Variants in CADPS2 observed in about 807,000 individuals in gnomAD.
CADPS2 encodes calcium dependent secretion activator 2.
A neutral mutation model predicts 172.5 loss-of-function variants in CADPS2; 93 were observed. That is an observed-to-expected ratio of 0.54 (90% CI 0.46 to 0.64). The LOEUF is 0.64. Ranked by LOEUF, CADPS2 falls within the 30% of genes least tolerant of loss-of-function variation. The pLI, the probability that CADPS2 is intolerant of heterozygous loss-of-function variation, is 0.00. For missense variants in CADPS2, 1,420 were observed against 1,565.9 expected (o/e 0.91, Z 1.57); for synonymous variants, 546 against 555.2 (o/e 0.98, Z 0.23).
At chr7:122,431,622 G>A (rs1033918463) in intron 17 of CADPS2, among the ~76,000 whole-genome samples, 1 of 152,122 alleles carries the variant, frequency 6.6e-6, no homozygotes, top group Non-Finnish European at 1.5e-5. Flanking sequence ...TACTAGCTAT[G>A]GGACTGTAGA....
chr7:122,739,188 G>A lies in CADPS2; in HGVS notation c.340-2120C>T, dbSNP rs114506891. The stretch of plus-strand genomic sequence containing the variant: ...CTAAGCTCTGGGAATGCCAAGAAGA[G>A]CTTCTCCTTGCAAGCCAAGTAAAAT... On this transcript the variant is annotated intron_variant, in intron 1 of 29. Transcript: ENST00000449022. Among the ~76,000 whole-genome samples the A allele has an allele frequency of 4.5e-3, 687 of 152,222 alleles. 8 individuals are homozygous for A. The highest frequency in any genetic ancestry group is 0.016 in the African/African-American group (652 of 41,548).
chr7:122,567,683 T>G (rs147220439), intron 7 of CADPS2, among the ~76,000 whole-genome samples: 2,029 of 152,204 alleles, frequency 0.013, 20 homozygotes, highest in Non-Finnish European at 0.019. Flanking sequence ...ATAACTCAAA[T>G]GATGGGAGGG....
rs1382781555 is a variant in CADPS2 at position 122,803,121 on chromosome 7, T to C, written c.340-66053A>G. Among the ~76,000 whole-genome samples the C allele has an allele frequency of 3.3e-5, 5 of 152,194 alleles. No individual in the cohort carries two copies. The South Asian group carries it at 1.0e-3, about 31-fold the overall frequency. On this transcript the variant is annotated intron_variant, in intron 1 of 29. Transcript: ENST00000449022. The stretch of plus-strand genomic sequence containing the variant: ...CTCTTCACTTCCTCCAACTCCCTTA[T>C]TACCTTTGTCACAACATATATAAAC...
rs144923746 is a variant in CADPS2, at chr7:122,345,335, G to A, written c.3612+239C>T. Among the ~76,000 whole-genome samples, 228 of 151,896 alleles carry A rather than the reference G, an allele frequency of 1.5e-3. 1 individual carries two copies. The highest frequency in any genetic ancestry group is 5.1e-3 in the African/African-American group (211 of 41,448). ...GTATTTTTAGTAGAGACGGGGTTTC[G>A]CCATGTTGGCCAGGCTAGTCTTGAA... On this transcript the variant is annotated intron_variant, in intron 28 of 29. Transcript: ENST00000449022.
intron 17 of CADPS2, among the ~76,000 whole-genome samples, chr7:122,417,539 T>C (rs1487842867): frequency 2.0e-5 from 3 of 152,214 alleles, no homozygotes; most frequent in Admixed American, 1.3e-4. Flanking sequence ...AAAAGATCCA[T>C]AGACATGAAT....
At chr7:122,820,174 T>C (rs143139841) in intron 1 of CADPS2, among the ~76,000 whole-genome samples, 30,164 of 151,868 alleles carry the variant, frequency 0.2, 3,137 homozygotes, top group Middle Eastern at 0.3. Flanking sequence ...AGATCTCAAA[T>C]ATGCTTTCTT....
chr7:122,793,097 A>G (rs995774979), intron 1 of CADPS2, among the ~76,000 whole-genome samples: 6 of 152,190 alleles, frequency 3.9e-5, no homozygotes, highest in African/African-American at 1.4e-4. Context: ...AGGACCATTC[A>G]GGTCCTCCTT....
intron 3 of CADPS2, among the ~76,000 whole-genome samples, chr7:122,644,095 TGAAGGAAG>T (rs71531908): frequency 0.011 from 1,603 of 146,342 alleles, 15 homozygotes; most frequent in Admixed American, 0.024. Context: ...AAGGAAGGAA[TGAAGGAAG>T]GAAGGAAGGA....
At chr7:122,433,472 C>T (rs71573097) in intron 17 of CADPS2, among the ~76,000 whole-genome samples, 3 of 148,788 alleles carry the variant, frequency 2.0e-5, no homozygotes, top group Admixed American at 6.7e-5. Flanking sequence ...GGCACCACCT[C>T]GGCTCACTGT....
chr7:122,722,962 A>G (rs2090630496), intron 2 of CADPS2, among the ~76,000 whole-genome samples: 2 of 152,094 alleles, frequency 1.3e-5, no homozygotes, highest in Admixed American at 1.3e-4. Flanking sequence ...GGTGTTGGGA[A>G]AACTGGCTAG....
chr7:122,388,036 C>T (rs565039219), intron 23 of CADPS2, among the ~76,000 whole-genome samples: 3 of 151,950 alleles, frequency 2.0e-5, no homozygotes, highest in Admixed American at 6.6e-5. Flanking sequence ...TTTAAAACTA[C>T]GATAAAATGA....
intron 1 of CADPS2, among the ~76,000 whole-genome samples, chr7:122,815,638 T>C (rs898543368): frequency 3.9e-5 from 6 of 152,048 alleles, no homozygotes; most frequent in Admixed American, 6.6e-5. Context: ...TCAAAATATA[T>C]TGCAGCGAAA....
At chr7:122,447,855 T>C (rs2052503649) in intron 15 of CADPS2, among the ~76,000 whole-genome samples, 1 of 152,020 alleles carries the variant, frequency 6.6e-6, no homozygotes, top group African/African-American at 2.4e-5. Flanking sequence ...ACCCAGCCAG[T>C]TTCAGGGATC....
At chr7:122,858,103 C>T (rs1262108673) in intron 1 of CADPS2, among the ~76,000 whole-genome samples, 1 of 152,180 alleles carries the variant, frequency 6.6e-6, no homozygotes, top group Non-Finnish European at 1.5e-5. Flanking sequence ...TCCCCGCCCA[C>T]ATCCTTCTGA....
chr7:122,703,206 C>A (rs751912302), intron 2 of CADPS2, among the ~76,000 whole-genome samples: 14 of 152,002 alleles, frequency 9.2e-5, no homozygotes, highest in Non-Finnish European at 1.6e-4. Flanking sequence ...GAAAATCTAC[C>A]CAGCCATATA....
At chr7:122,855,947 GT>G (rs1815064531) in intron 1 of CADPS2, among the ~76,000 whole-genome samples, 1 of 152,152 alleles carries the variant, frequency 6.6e-6, no homozygotes, top group South Asian at 2.1e-4. Context: ...TACAGCTACA[GT>G]TTGCCTGCAA....
intron 25 of CADPS2, among the ~76,000 whole-genome samples, chr7:122,366,477 C>T (rs550971687): frequency 4.0e-5 from 6 of 149,330 alleles, no homozygotes; most frequent in Admixed American, 6.6e-5. Flanking sequence ...TGGTGGCGGG[C>T]GCCTGAAATC....
chr7:122,656,011 C>G (rs1424968689), intron 3 of CADPS2, among the ~76,000 whole-genome samples: 1 of 152,098 alleles, frequency 6.6e-6, no homozygotes, highest in Non-Finnish European at 1.5e-5. Flanking sequence ...CAGGGGAAAC[C>G]ACTAACCAAA....
intron 2 of CADPS2, among the ~76,000 whole-genome samples, chr7:122,664,239 C>T (rs2080938503): frequency 6.6e-6 from 1 of 151,936 alleles, no homozygotes. Context: ...AGTCAATATT[C>T]ATCATATGTA....
Sources: allele counts gnomAD v4.1 joint callset (sites outside exome capture counted in the v4.1 genomes callset), GRCh38; gene constraint gnomAD v4.1.1; transcripts MANE v1.5; gene names NCBI Gene and HGNC (gene_info 2026-07-23, HGNC 2026-07-21).